Variants in RARB observed in about 807,000 individuals in gnomAD.
RARB encodes retinoic acid receptor beta.
In RARB, 17 loss-of-function variants were observed where a neutral mutation model predicts 51.9. The ratio of observed to expected loss-of-function variants is 0.33; its 90% confidence interval spans 0.22 to 0.49. RARB has a LOEUF of 0.49. RARB is among the 20% of genes least tolerant of loss of function. RARB has a pLI of 0.99. For synonymous variants in RARB, 215 were observed against 195.4 expected (o/e 1.10, Z -0.84); for missense variants, 369 against 550.8 (o/e 0.67, Z 3.30).
intron 5 of RARB, among the ~76,000 whole-genome samples, chr3:25,274,207 G>A (rs772382056): frequency 2.6e-5 from 4 of 152,094 alleles, no homozygotes; most frequent in South Asian, 2.1e-4. Flanking sequence ...ATTTAAACAC[G>A]AAGCCTGCAT....
At chr3:25,005,864 A>AGC (rs1449260393) in intron 2 of RARB, among the ~76,000 whole-genome samples, 3 of 152,160 alleles carry the variant, frequency 2.0e-5, no homozygotes, top group Non-Finnish European at 2.9e-5. Flanking sequence ...TATTTCACTT[A>AGC]GCATAAGAGT....
chr3:25,292,250 G>A (rs1703807015), intron 5 of RARB, among the ~76,000 whole-genome samples: 1 of 152,180 alleles, frequency 6.6e-6, no homozygotes. Context: ...ATTGGATGGT[G>A]AGATAGCCCC....
At chr3:25,570,057 CA>C in intron 4 of RARB, 139 bp downstream of exon 4, 3 of 1,253,078 alleles carry the variant, frequency 2.4e-6, no homozygotes, top group Non-Finnish European at 3.3e-6. Context: ...GCATGCTAGC[CA>C]GCTGGGGCTA....
chr3:25,529,633 A>G (rs1698808590), intron 3 of RARB, among the ~76,000 whole-genome samples: 2 of 152,290 alleles, frequency 1.3e-5, no homozygotes, highest in Admixed American at 1.3e-4. Flanking sequence ...GCTTTGTCTT[A>G]AAAGTATGTG....
Position 25,193,370 on chromosome 3 carries a change from T to TA in RARB, c.178+18803dup, listed in dbSNP as rs201044581. Among the ~76,000 whole-genome samples the TA allele has an allele frequency of 5.5e-3, 828 of 151,924 alleles. 11 individuals are homozygous for TA. The highest frequency in any genetic ancestry group is 0.019 in the African/African-American group (778 of 41,500). ...AGGAAGTCTGTTAAAAAAATTAAAA[T>TA]AAAAAAAACCTGTTTGCACTGAAGT... On this transcript the variant is annotated intron_variant, in intron 5 of 11. Transcript: ENST00000383772.
chr3:25,296,120 A>G (rs967551743), intron 5 of RARB, among the ~76,000 whole-genome samples: 1 of 152,186 alleles, frequency 6.6e-6, no homozygotes, highest in African/African-American at 2.4e-5. Context: ...CCCTAGGGAC[A>G]TCCACCAAAA....
chr3:24,866,833 A>G (rs910657358), intron 2 of RARB, among the ~76,000 whole-genome samples: 2 of 152,134 alleles, frequency 1.3e-5, no homozygotes, highest in African/African-American at 4.8e-5. Context: ...TTTATTATTC[A>G]AATCAGCCTC....
At chr3:25,196,448 A>G (rs879082146) in intron 5 of RARB, among the ~76,000 whole-genome samples, 1 of 151,984 alleles carries the variant, frequency 6.6e-6, no homozygotes, top group Admixed American at 6.6e-5. Flanking sequence ...TATGTGCCAC[A>G]TTTTCTTAAT....
intron 5 of RARB, among the ~76,000 whole-genome samples, chr3:25,178,245 G>A (rs370537020): frequency 3.9e-4 from 59 of 152,090 alleles, no homozygotes; most frequent in African/African-American, 1.3e-3. Context: ...TTTGCATTCT[G>A]ACTTAATTTT....
intron 5 of RARB, among the ~76,000 whole-genome samples, chr3:25,419,869 T>C (rs1206170829): frequency 6.6e-6 from 1 of 152,208 alleles, no homozygotes; most frequent in African/African-American, 2.4e-5. Flanking sequence ...GAATTATCTT[T>C]GCTTATCTTT....
upstream of RARB, among the ~76,000 whole-genome samples, chr3:25,424,606 T>TAATA (rs2125509144): frequency 6.6e-6 from 1 of 152,326 alleles, no homozygotes; most frequent in East Asian, 1.9e-4. Context: ...GGCATGTCTT[T>TAATA]AAAACAATCA....
intron 5 of RARB, among the ~76,000 whole-genome samples, chr3:25,279,509 G>A (rs1703471500): frequency 6.6e-6 from 1 of 151,920 alleles, no homozygotes; most frequent in Non-Finnish European, 1.5e-5. Flanking sequence ...AAGTTCTTAA[G>A]GGATCTTTTA....
At chr3:25,222,195 G>T (rs1701962392) in intron 5 of RARB, among the ~76,000 whole-genome samples, 1 of 152,148 alleles carries the variant, frequency 6.6e-6, no homozygotes, top group African/African-American at 2.4e-5. Context: ...GCATCGAGGG[G>T]CAGATATATG....
At chr3:25,062,381 G>A (rs181507722) in intron 3 of RARB, among the ~76,000 whole-genome samples, 30 of 151,948 alleles carry the variant, frequency 2.0e-4, no homozygotes, top group South Asian at 4.1e-4. Context: ...AGATGGGAAC[G>A]TAGCATGAAA....
At chr3:25,153,166 G>C (rs915831631) in intron 4 of RARB, among the ~76,000 whole-genome samples, 1 of 144,980 alleles carries the variant, frequency 6.9e-6, no homozygotes, top group South Asian at 2.2e-4. Flanking sequence ...GTGTGCATGC[G>C]TGCGTGCATG....
At chr3:25,213,297 C>T (rs1701743411) in intron 5 of RARB, among the ~76,000 whole-genome samples, 1 of 152,134 alleles carries the variant, frequency 6.6e-6, no homozygotes, top group Non-Finnish European at 1.5e-5. Context: ...TTGTACACTA[C>T]ATACTATATA....
chr3:25,087,131 G>T (rs1295449541), intron 3 of RARB, among the ~76,000 whole-genome samples: 1 of 152,048 alleles, frequency 6.6e-6, no homozygotes, highest in African/African-American at 2.4e-5. Context: ...CAAAGAGCCT[G>T]TTTTGTCTTA....
intron 3 of RARB, among the ~76,000 whole-genome samples, chr3:25,094,283 T>C (rs545473206): frequency 2.6e-5 from 4 of 152,300 alleles, no homozygotes; most frequent in East Asian, 1.9e-4. Context: ...CTCCATATCA[T>C]TGGGTGATGG....
At chr3:25,197,590 T>C (rs575098876) in intron 5 of RARB, among the ~76,000 whole-genome samples, 7 of 152,084 alleles carry the variant, frequency 4.6e-5, no homozygotes, top group African/African-American at 1.7e-4. Context: ...GTCAGTAAAG[T>C]TGTAGGATAC....
Sources: allele counts gnomAD v4.1 joint callset (sites outside exome capture counted in the v4.1 genomes callset), GRCh38; gene constraint gnomAD v4.1.1; transcripts MANE v1.5; gene names NCBI Gene and HGNC (gene_info 2026-07-23, HGNC 2026-07-21).